The following HMCN1 variants were observed in gnomAD, a reference collection of about 807,000 sequenced individuals.
HMCN1 encodes the protein hemicentin-1.
Under a neutral mutation model 625.9 loss-of-function variants are expected in HMCN1, and 321 were observed. The ratio of observed to expected loss-of-function variants is 0.51; its 90% CI spans 0.47 to 0.56. The LOEUF (loss-of-function observed/expected upper bound fraction) is 0.56. HMCN1 is among the 20% of genes least tolerant of loss of function. The pLI is 0.00. For missense variants in HMCN1, 6,588 were observed against 6,887.3 expected, an observed-to-expected ratio of 0.96 and a Z score of 1.54; for synonymous variants, 2,425 against 2,417.6, an observed-to-expected ratio of 1.00 and a Z score of -0.09.
chr1:186,086,676 G>C (rs571441551), intron 58 of HMCN1, among the ~76,000 whole-genome samples: 1 of 152,106 alleles, frequency 6.6e-6, no homozygotes, highest in East Asian at 1.9e-4. Flanking sequence ...AATACCAAGT[G>C]GTAGATGGCA....
chr1:186,005,418 A>G (rs1653542134), intron 29 of HMCN1, among the ~76,000 whole-genome samples: 1 of 149,518 alleles, frequency 6.7e-6, no homozygotes. Flanking sequence ...ATAAATGTTT[A>G]TAAACAAGTT....
At chr1:185,900,669 C>T (rs1451270329) in intron 4 of HMCN1, among the ~76,000 whole-genome samples, 5 of 151,778 alleles carry the variant, frequency 3.3e-5, no homozygotes, top group African/African-American at 9.7e-5. Context: ...ATTATATGCT[C>T]TATTATATGA....
intron 23 of HMCN1, among the ~76,000 whole-genome samples, chr1:185,994,496 T>C (rs1381885637): frequency 6.6e-6 from 1 of 152,170 alleles, no homozygotes; most frequent in East Asian, 1.9e-4. Context: ...TATTTACAAA[T>C]TAAAAGAAGC....
rs1216342563 is a variant in HMCN1, at chr1:185,997,463, T to C, written c.3813T>C (p.Tyr1271=). The part of the protein sequence containing the change: ...PPTVEDLEPP[Y]NTTFQERVAN... ...CAGTGGAAGATCTAGAACCTCCATA[T>C]AACACTACTTTCCAAGAAAGAGTGG... is the stretch of plus-strand genomic sequence containing the variant. Residue 1271 remains tyrosine (Y), a synonymous_variant, in exon 25 of 107, where the codon TAT becomes TAC. Transcript: ENST00000271588. 3 of 1,612,660 alleles carry C rather than the reference T, an allele frequency of 1.9e-6. No homozygotes were observed. Among genetic ancestry groups the C allele is most frequent in the East Asian group, 2.2e-5 (1 of 44,816 alleles).
chr1:186,014,997 G>T (rs2102130819), intron 30 of HMCN1, among the ~76,000 whole-genome samples, 162 bp from the exon 31 acceptor site: 1 of 152,238 alleles, frequency 6.6e-6, no homozygotes, highest in Non-Finnish European at 1.5e-5. Flanking sequence ...GATAAAGATG[G>T]TTTTGACAAT....
At chr1:186,142,811 T>TTGGAGG (rs1052726703) in intron 89 of HMCN1, among the ~76,000 whole-genome samples, 7 of 152,198 alleles carry the variant, frequency 4.6e-5, no homozygotes, top group Non-Finnish European at 1.0e-4. Context: ...AATGAATAAA[T>TTGGAGG]GTTACCCAAT....
intron 11 of HMCN1, among the ~76,000 whole-genome samples, chr1:185,954,663 A>C (rs1468287124): frequency 1.3e-5 from 2 of 152,202 alleles, no homozygotes; most frequent in African/African-American, 4.8e-5. Flanking sequence ...CTATGGAGAT[A>C]AAAATCCTTG....
At chr1:185,972,626 T>C (rs908505025) in intron 15 of HMCN1, among the ~76,000 whole-genome samples, 1 of 152,182 alleles carries the variant, frequency 6.6e-6, no homozygotes, top group African/African-American at 2.4e-5. Flanking sequence ...TTGTTCACAA[T>C]TGCCAAATAA....
chr1:186,072,901 T>C (rs911855798), intron 52 of HMCN1, among the ~76,000 whole-genome samples: 2 of 152,172 alleles, frequency 1.3e-5, no homozygotes, highest in African/African-American at 4.8e-5. Context: ...CATGACACAA[T>C]CTGACTTAAG....
chr1:185,994,991 A>T lies in HMCN1; in HGVS notation c.3682A>T (p.Ile1228Phe). Reference sequence around the variant, plus strand: ...TAGCAATCCAGACGGAACTTTAAGCATCGACCAAGCCACGCCCTCAGATGC... The same window carrying T: ...TAGCAATCCAGACGGAACTTTAAGCTTCGACCAAGCCACGCCCTCAGATGC... The part of the protein sequence containing the change: ...HVSNPDGTLS[I>F]DQATPSDAGI... The change falls in exon 24 of 107, where the codon ATC becomes TTC. Residue 1228 changes from isoleucine (I) to phenylalanine (F), a missense_variant. By Grantham distance (21) the Ile-to-Phe change is conservative. This residue lies in a region of HMCN1 where 4,628 missense variants were observed against 4,853.1 expected (regional missense o/e 0.95). Transcript: ENST00000271588. 6.2e-7 allele frequency: 1 copy of T among 1,613,906 alleles called. No homozygotes were observed. The highest frequency in any genetic ancestry group is 8.5e-7 in the Non-Finnish European group (1 of 1,179,866).
rs114587842 is a variant in HMCN1, at chr1:185,849,300, A to G, written c.339+3204A>G. On this transcript the variant is annotated intron_variant, in intron 2 of 106. Transcript: ENST00000271588. The stretch of plus-strand genomic sequence containing the variant: ...CCTCATTTCCACACTCCCTTAACCT[A>G]GTTTAAAATCCTGTATTCAAAGTCT... Among the ~76,000 whole-genome samples the G allele has an allele frequency of 3.6e-3, 545 of 152,122 alleles. 1 individual carries two copies. Among genetic ancestry groups the G allele is most frequent in the Middle Eastern group, 0.027 (8 of 294 alleles).
chr1:186,174,553 A>G lies in HMCN1; in HGVS notation c.15854A>G (p.Tyr5285Cys), dbSNP rs568752943. The change falls in exon 103 of 107, where the codon TAT becomes TGT. Residue 5285 changes from tyrosine (Y) to cysteine (C), a missense_variant. Physicochemically the swap from Tyr to Cys is radical, Grantham distance 194 (BLOSUM62 -2). Around this residue, in one of 3 missense-constraint regions of HMCN1, gnomAD observed 1,954 missense variants for 2,013.1 expected, o/e 0.97. Coordinates refer to ENST00000271588, the MANE Select transcript of HMCN1 (RefSeq NM_031935.3). ...ECKDGTHQCR[Y>C]NQICENTRGS... ...AAAGATGGGACCCATCAGTGCAGATATAACCAGATATGTGAGAATACAAGA... is the reference window on the plus strand; with the variant it reads ...AAAGATGGGACCCATCAGTGCAGATGTAACCAGATATGTGAGAATACAAGA... The G allele has an allele frequency of 1.4e-5, 22 of 1,613,746 alleles. No individual in the cohort carries two copies. The South Asian group carries it at 2.4e-4, about 18-fold the overall frequency.
intron 4 of HMCN1, among the ~76,000 whole-genome samples, chr1:185,898,220 A>G (rs1665594649): frequency 6.6e-6 from 1 of 152,096 alleles, no homozygotes; most frequent in Non-Finnish European, 1.5e-5. Context: ...TCCTAATGAG[A>G]GACAGAGACA....
chr1:186,168,395 G>A (rs552160488), intron 100 of HMCN1, among the ~76,000 whole-genome samples: 8 of 151,630 alleles, frequency 5.3e-5, no homozygotes, highest in Admixed American at 1.3e-4. Context: ...TGAAGTTGCA[G>A]TGAGCTGAGA....
chr1:185,844,312 C>T (rs954978425), intron 1 of HMCN1, among the ~76,000 whole-genome samples: 1 of 152,168 alleles, frequency 6.6e-6, no homozygotes, highest in Admixed American at 6.5e-5. Flanking sequence ...TCTCCAATTG[C>T]TTCTCCACTC....
rs992486532 is a variant in HMCN1 at position 185,797,827 on chromosome 1, G to A, written c.269-48199G>A. Among the ~76,000 whole-genome samples the A allele has an allele frequency of 3.3e-4, 47 of 140,336 alleles. 1 individual carries two copies. Among genetic ancestry groups the A allele is most frequent in the Admixed American group, 2.4e-3 (35 of 14,790 alleles). The allele number at this position is 140,336 out of a possible 152,430, so 92.1% of individuals were successfully genotyped here. A position where few individuals can be genotyped will look rare whatever the true frequency, so the allele number is the denominator to read the frequency against. ...TAAAAATACAAAAAATTAGCCGGGC[G>A]TAGTGGCGGGCGCCTGTAGTCCCAG... On this transcript the variant is annotated intron_variant, in intron 1 of 106. Transcript: ENST00000271588.
Position 185,945,785 on chromosome 1 carries a change from A to C in HMCN1, c.1828+11961A>C, listed in dbSNP as rs549946261. 3.9e-5 allele frequency among the ~76,000 whole-genome samples: 6 copies of C among 152,326 alleles called. No homozygotes were observed. In the South Asian group the frequency reaches 1.2e-3, roughly 32 times the overall value. On this transcript the variant is annotated intron_variant, in intron 11 of 106. Coordinates refer to ENST00000271588, the MANE Select transcript of HMCN1 (RefSeq NM_031935.3). Reference sequence around the variant, plus strand: ...AGAACACAGACACATGGGCTTGCTAAGAGTGGAGGACCCAGCAGAACAGTG... The same window carrying C: ...AGAACACAGACACATGGGCTTGCTACGAGTGGAGGACCCAGCAGAACAGTG...
chr1:185,903,531 T>G (rs919849024), intron 4 of HMCN1, among the ~76,000 whole-genome samples: 2 of 151,796 alleles, frequency 1.3e-5, no homozygotes, highest in Non-Finnish European at 2.9e-5. Flanking sequence ...ATACAACACA[T>G]CACCAGCCAC....
At chr1:185,857,901 A>G (rs1171332035) in intron 2 of HMCN1, among the ~76,000 whole-genome samples, 1 of 152,230 alleles carries the variant, frequency 6.6e-6, no homozygotes. Flanking sequence ...AGAATAAACA[A>G]TATTCTGTAG....
Sources: allele counts gnomAD v4.1 joint callset (sites outside exome capture counted in the v4.1 genomes callset), GRCh38; gene constraint gnomAD v4.1.1; regional missense constraint gnomAD v4.1.1; transcripts MANE v1.5; gene names NCBI Gene and HGNC (gene_info 2026-07-23, HGNC 2026-07-21).